Variants in NCAM2 observed in about 807,000 individuals in gnomAD.
The protein encoded by NCAM2 is N-CAM-2.
In NCAM2, 30 loss-of-function variants were observed where a neutral mutation model predicts 98.1. That is an observed-to-expected ratio of 0.31 (90% CI 0.23 to 0.41). NCAM2 has a LOEUF of 0.41. Ranked by LOEUF, NCAM2 falls within the 10% of genes least tolerant of loss-of-function variation. The pLI, the probability that NCAM2 is intolerant of heterozygous loss-of-function variation, is 1.00. For synonymous variants in NCAM2, 368 were observed against 342.4 expected, an observed-to-expected ratio of 1.07 and a Z score of -0.83; for missense variants, 867 against 1,005.8, an observed-to-expected ratio of 0.86 and a Z score of 1.87.
intron 1 of NCAM2, among the ~76,000 whole-genome samples, chr21:21,057,244 G>GA (rs1301677944): frequency 6.6e-6 from 1 of 152,070 alleles, no homozygotes. Context: ...CAGTTACATG[G>GA]AGGTAGAAAA....
At chr21:21,106,853 A>T (rs2066359808) in intron 1 of NCAM2, among the ~76,000 whole-genome samples, 2 of 152,110 alleles carry the variant, frequency 1.3e-5, no homozygotes, top group Admixed American at 6.6e-5. Flanking sequence ...AATTGTTAAC[A>T]TGATATTTTT....
At chr21:21,535,352 G>A (rs1989926117) in intron 17 of NCAM2, among the ~76,000 whole-genome samples, 1 of 151,962 alleles carries the variant, frequency 6.6e-6, no homozygotes, top group Admixed American at 6.6e-5. Context: ...ACAAAACCAT[G>A]GTGGTCACAC....
At chr21:21,080,377 G>T (rs1170195359) in intron 1 of NCAM2, among the ~76,000 whole-genome samples, 2 of 152,004 alleles carry the variant, frequency 1.3e-5, no homozygotes, top group Admixed American at 1.3e-4. Context: ...AGCATTTTGG[G>T]AGGCCGAGGT....
chr21:21,152,345 A>ATTTTTT (rs1443958552), intron 1 of NCAM2, among the ~76,000 whole-genome samples: 2 of 151,648 alleles, frequency 1.3e-5, no homozygotes, highest in African/African-American at 4.8e-5. Flanking sequence ...ATATATGCTA[A>ATTTTTT]TTCCATTTTA....
chr21:21,371,294 T>C (rs1367687730), intron 8 of NCAM2, among the ~76,000 whole-genome samples: 1 of 151,828 alleles, frequency 6.6e-6, no homozygotes, highest in East Asian at 1.9e-4. Flanking sequence ...TTGGAGAGTG[T>C]TGGTTTTTCT....
intron 5 of NCAM2, among the ~76,000 whole-genome samples, chr21:21,313,890 C>T (rs1208333528): frequency 6.6e-6 from 1 of 151,974 alleles, no homozygotes; most frequent in South Asian, 2.1e-4. Flanking sequence ...TTCAATGTCC[C>T]TATTTAAGTT....
At chr21:21,047,606 A>C (rs978521757) in intron 1 of NCAM2, among the ~76,000 whole-genome samples, 5 of 152,220 alleles carry the variant, frequency 3.3e-5, no homozygotes, top group African/African-American at 1.2e-4. Context: ...CTACAACTGT[A>C]GGGATAAATA....
intron 1 of NCAM2, among the ~76,000 whole-genome samples, chr21:21,267,903 T>G (rs11910466): frequency 0.19 from 28,923 of 152,102 alleles, 2,806 homozygotes; most frequent in Non-Finnish European, 0.2. Flanking sequence ...ATCTCATAGA[T>G]AGACTCTTGG....
chr21:21,068,799 C>T (rs2065497990), intron 1 of NCAM2, among the ~76,000 whole-genome samples: 1 of 152,108 alleles, frequency 6.6e-6, no homozygotes, highest in East Asian at 1.9e-4. Context: ...GTAACGGGTG[C>T]TACACACTTT....
chr21:21,428,903 T>C (rs1307066845), intron 11 of NCAM2, among the ~76,000 whole-genome samples: 1 of 152,220 alleles, frequency 6.6e-6, no homozygotes, highest in Non-Finnish European at 1.5e-5. Context: ...TATATTCCAG[T>C]CACTTTGTTC....
intron 16 of NCAM2, among the ~76,000 whole-genome samples, chr21:21,528,107 T>C (rs1356175279): frequency 6.6e-6 from 1 of 152,170 alleles, no homozygotes; most frequent in African/African-American, 2.4e-5. Flanking sequence ...GACTACCTAC[T>C]TTATAATTCC....
intron 16 of NCAM2, among the ~76,000 whole-genome samples, chr21:21,533,512 C>T (rs1005028396): frequency 6.6e-6 from 1 of 151,844 alleles, no homozygotes; most frequent in Non-Finnish European, 1.5e-5. Context: ...AGCTTACTTA[C>T]CCATTACCTA....
intron 16 of NCAM2, among the ~76,000 whole-genome samples, chr21:21,530,966 A>ATT (rs1487572607): frequency 1.0e-3 from 156 of 152,224 alleles, no homozygotes; most frequent in Middle Eastern, 3.4e-3. Context: ...GACATATTAA[A>ATT]TATCACCAAT....
At chr21:21,529,210 C>T (rs930565935) in intron 16 of NCAM2, among the ~76,000 whole-genome samples, 4 of 151,978 alleles carry the variant, frequency 2.6e-5, no homozygotes, top group African/African-American at 7.2e-5. Context: ...TGAATACCCG[C>T]TCCTCAATTT....
At chr21:21,343,350 T>C (rs888007843) in intron 8 of NCAM2, among the ~76,000 whole-genome samples, 2 of 78,094 alleles carry the variant, frequency 2.6e-5, no homozygotes, top group African/African-American at 5.3e-5. Flanking sequence ...AACAACTATC[T>C]ATACACATAC....
intron 1 of NCAM2, among the ~76,000 whole-genome samples, chr21:21,150,851 G>A (rs2146706814): frequency 6.6e-6 from 1 of 151,832 alleles, no homozygotes; most frequent in South Asian, 2.1e-4. Flanking sequence ...ATTTTAATTG[G>A]GAAGTGCTCT....
At chr21:21,087,449 C>T (rs1263981531) in intron 1 of NCAM2, among the ~76,000 whole-genome samples, 2 of 152,132 alleles carry the variant, frequency 1.3e-5, no homozygotes, top group African/African-American at 4.8e-5. Context: ...CCACACAGCT[C>T]TTTATCCTCC....
chr21:21,165,788 C>A (rs1013333715), intron 1 of NCAM2, among the ~76,000 whole-genome samples: 1 of 152,172 alleles, frequency 6.6e-6, no homozygotes, highest in Non-Finnish European at 1.5e-5. Context: ...ATTTTCCCTG[C>A]CTTCCCAAAT....
At chr21:21,503,374 C>G (rs1333848779) in intron 15 of NCAM2, among the ~76,000 whole-genome samples, 1 of 151,758 alleles carries the variant, frequency 6.6e-6, no homozygotes, top group Admixed American at 6.6e-5. Flanking sequence ...CGCTTTGAGA[C>G]TGACAATAGA....
Sources: gnomAD v4.1 joint callset for allele counts (sites outside exome capture counted in the v4.1 genomes callset) on GRCh38, gnomAD v4.1.1 for gene constraint, MANE v1.5 for transcripts, NCBI Gene and HGNC (gene_info 2026-07-23, HGNC 2026-07-21) for gene names.